ZNF587B: variants seen among roughly 807,000 people sequenced by gnomAD.
ZNF587B encodes the protein zinc finger protein 587B.
Under a neutral mutation model 7.2 loss-of-function variants are expected in ZNF587B, and 6 were observed. The observed-to-expected ratio is 0.83, with a 90% CI of 0.46 to 1.65. The LOEUF (loss-of-function observed/expected upper bound fraction) is 1.65, where lower values mean the gene tolerates loss of function less well. Among genes scored for constraint, ZNF587B ranks in the 40% most tolerant of loss-of-function variants. The probability of loss-of-function intolerance (pLI) is 0.01; values close to 1 mark genes in which losing one functional copy is unlikely to be tolerated. For missense variants in ZNF587B, 749 were observed against 761.0 expected, an observed-to-expected ratio of 0.98 and a Z score of 0.19; for synonymous variants, 274 against 254.3, an observed-to-expected ratio of 1.08 and a Z score of -0.74.
intron 1 of ZNF587B, among the ~76,000 whole-genome samples, chr19:57,835,387 T>C (rs1246678595): frequency 3.1e-5 from 4 of 129,892 alleles, no homozygotes; most frequent in African/African-American, 9.0e-5. Flanking sequence ...AGGTGGAGTC[T>C]TGTTCTGTCA....
rs747241849 is a variant in ZNF587B, at chr19:57,841,355, TATACTC to T, written c.683_688del (p.Ile228_Leu229del). On this transcript the variant is annotated inframe_deletion, in exon 3 of 3. Coordinates refer to ENST00000594901, the MANE Select transcript of ZNF587B (RefSeq NM_001376223.1). The stretch of plus-strand genomic sequence containing the variant: ...CCATGAAACATTTTAGCACCAAACA[TATACTC>T]AGTCAGCACCAGAGACTTCTCCCTC... 156 of 1,599,994 alleles carry T rather than the reference TATACTC, an allele frequency of 9.8e-5. 2 individuals are homozygous for T. In the Admixed American group the frequency reaches 2.4e-3, roughly 25 times the overall value.
Position 57,830,428 on chromosome 19 carries a change from C to T in ZNF587B, c.-101C>T. The T allele has an allele frequency of 7.5e-7, 1 of 1,341,704 alleles. No homozygotes were observed. Among genetic ancestry groups the T allele is most frequent in the African/African-American group, 1.4e-5 (1 of 69,252 alleles). 83.1% of individuals were successfully genotyped at this position (1,341,704 alleles called of 1,614,324 possible). The stretch of plus-strand genomic sequence containing the variant: ...GCGACTCTGGAGCTCTGTGACGGCG[C>T]CAAGCGTGACCCACCCCTGGGCCAG... On this transcript the variant is annotated 5_prime_UTR_variant, in exon 1 of 3. Transcript: ENST00000594901.
Position 57,841,423 on chromosome 19 carries a change from C to A in ZNF587B, c.749C>A (p.Ser250Tyr), listed in dbSNP as rs777073816. 5.0e-6 allele frequency: 8 copies of A among 1,584,192 alleles called. No homozygotes were observed. The highest frequency in any genetic ancestry group is 2.3e-5 in the East Asian group (1 of 43,238). Residue 250 changes from serine to tyrosine, a missense_variant, in exon 3 of 3, where the codon TCC becomes TAC. Around this residue, in one of 3 missense-constraint regions of ZNF587B, gnomAD observed 656 missense variants for 596.5 expected, o/e 1.10. Transcript: ENST00000594901. ...TATGTGTGCTGTGAATGTGGGAAAT[C>A]CTTTAGCAAATATGTTAGCTTCAGT... is the stretch of plus-strand genomic sequence containing the variant. Reference protein sequence around the residue: ...ECYVCCECGKSFSKYVSFSNH... With the variant: ...ECYVCCECGKYFSKYVSFSNH...
chr19:57,841,339 A>G lies in ZNF587B; in HGVS notation c.665A>G (p.His222Arg). 6.2e-7 allele frequency: 1 copy of G among 1,607,158 alleles called. No individual in the cohort carries two copies. The highest frequency in any genetic ancestry group is 1.3e-5 in the African/African-American group (1 of 74,938). ...AHYSHGDSMK[H>R]FSTKHILSQH... is the part of the protein sequence containing the mutation. ...TATAGCCATGGAGATTCCATGAAAC[A>G]TTTTAGCACCAAACATATACTCAGT... The change falls in exon 3 of 3, where the codon CAT becomes CGT. Residue 222 changes from histidine (H) to arginine (R), a missense_variant. His to Arg is a conservative substitution (Grantham distance 29). Coordinates refer to ENST00000594901, the MANE Select transcript of ZNF587B (RefSeq NM_001376223.1).
chr19:57,831,842 T>C (rs1600101565), intron 1 of ZNF587B, among the ~76,000 whole-genome samples: 2 of 149,872 alleles, frequency 1.3e-5, no homozygotes, highest in Admixed American at 6.6e-5. Flanking sequence ...GTAGCTGGGA[T>C]TACAGACACC....
rs1046625406 is a variant in ZNF587B at position 57,844,119 on chromosome 19, C to T, written c.*1543C>T. The T allele has an allele frequency of 3.5e-6, 1 of 287,836 alleles. No homozygotes were observed. The highest frequency in any genetic ancestry group is 2.3e-5 in the African/African-American group (1 of 42,916). 17.8% of individuals were successfully genotyped at this position (287,836 alleles called of 1,614,324 possible). ...AAGGATTTGTTGAGTAGCCTCAGCA[C>T]TTCTTGCTTTTTCATTTCTTTCTGA... On this transcript the variant is annotated 3_prime_UTR_variant, in exon 3 of 3. Transcript: ENST00000594901.
rs1383289373 is a variant in ZNF587B at position 57,842,280 on chromosome 19, G to C, written c.1606G>C (p.Ala536Pro). The C allele has an allele frequency of 2.1e-5, 34 of 1,612,722 alleles. No individual in the cohort carries two copies. The highest frequency in any genetic ancestry group is 2.7e-5 in the Non-Finnish European group (32 of 1,179,238). The change falls in exon 3 of 3, where the codon GCA becomes CCA. Residue 536 changes from alanine to proline, a missense_variant. Ala to Pro is a conservative substitution (Grantham distance 27, BLOSUM62 -1). This residue lies in a region of ZNF587B where 656 missense variants were observed against 596.5 expected (regional missense o/e 1.10). Transcript: ENST00000594901. ...TGGGAAGTCATTTACCCACAGCTGTGCATTCATTGTTCATAAGAGAGTTCA... is the reference window on the plus strand; with the variant it reads ...TGGGAAGTCATTTACCCACAGCTGTCCATTCATTGTTCATAAGAGAGTTCA... Reference protein sequence around the residue: ...DCGKSFTHSCAFIVHKRVHTG... With the variant: ...DCGKSFTHSCPFIVHKRVHTG...
rs1324065807 is a variant in ZNF587B, at chr19:57,843,587, G to GTTTTTTTTTTTT, written c.*1013_*1014insTTTTTTTTTTTT. The stretch of plus-strand genomic sequence containing the variant: ...GTTTGGTTGGTTGGTTGGTTGGTTG[G>GTTTTTTTTTTTT]TTGTTTTTTTTTGTTTTTTTTTTTT... On this transcript the variant is annotated 3_prime_UTR_variant, in exon 3 of 3. Transcript: ENST00000594901. The GTTTTTTTTTTTT allele has an allele frequency of 4.7e-4, 357 of 759,370 alleles. 34 individuals are homozygous for GTTTTTTTTTTTT. Among genetic ancestry groups the GTTTTTTTTTTTT allele is most frequent in the Admixed American group, 2.1e-3 (24 of 11,572 alleles). The allele number at this position is 759,370 out of a possible 1,614,324, so 47.0% of individuals were successfully genotyped here.
Position 57,842,878 on chromosome 19 carries a change from A to T in ZNF587B, c.*302A>T, listed in dbSNP as rs1988911867. On this transcript the variant is annotated 3_prime_UTR_variant, in exon 3 of 3. Coordinates refer to ENST00000594901, the MANE Select transcript of ZNF587B (RefSeq NM_001376223.1). ...CTCACAGGAGAGCTGTCACTACGGA[A>T]ATGCCTTTTGAATGTAATGTTTGCA... 1 of 985,336 alleles carries T rather than the reference A, an allele frequency of 1.0e-6. No individual in the cohort carries two copies. Among genetic ancestry groups the T allele is most frequent in the Admixed American group, 6.2e-5 (1 of 16,260 alleles). 61.0% of individuals were successfully genotyped at this position (985,336 alleles called of 1,614,324 possible).
intron 1 of ZNF587B, among the ~76,000 whole-genome samples, chr19:57,836,695 G>A (rs115502029): frequency 0.029 from 4,455 of 152,132 alleles, 216 homozygotes; most frequent in African/African-American, 0.1. Flanking sequence ...CGGGTGCAGT[G>A]CCTCATGCCT....
At chr19:57,830,800 A>AT (rs1490982637) in intron 1 of ZNF587B, among the ~76,000 whole-genome samples, 2 of 120,246 alleles carry the variant, frequency 1.7e-5, no homozygotes, top group Non-Finnish European at 3.6e-5. Context: ...GAGTCCGTTT[A>AT]TTTAAAAAAA....
At chr19:57,833,871 C>T (rs1343460700) in intron 1 of ZNF587B, among the ~76,000 whole-genome samples, 1,949 of 135,438 alleles carry the variant, frequency 0.014, no homozygotes, top group African/African-American at 0.051. Context: ...GCCCAGTGCC[C>T]TATCCTGTGG....
chr19:57,841,954 GTCA>G lies in ZNF587B; in HGVS notation c.1284_1286del (p.His428del). 6.2e-7 allele frequency: 1 copy of G among 1,612,308 alleles called. No homozygotes were observed. Among genetic ancestry groups the G allele is most frequent in the South Asian group, 1.1e-5 (1 of 90,868 alleles). ...TTTAATGAAAAAGGACACCTTAGGA[GTCA>G]TCAGCGAGTTCACACTACAGAAAGA... is the stretch of plus-strand genomic sequence containing the variant. On this transcript the variant is annotated inframe_deletion, in exon 3 of 3. Coordinates refer to ENST00000594901, the MANE Select transcript of ZNF587B (RefSeq NM_001376223.1).
chr19:57,841,476 A>C lies in ZNF587B; in HGVS notation c.802A>C (p.Arg268=). Residue 268 remains arginine (R), a synonymous_variant, in exon 3 of 3, where the codon AGA becomes CGA. Coordinates refer to ENST00000594901, the MANE Select transcript of ZNF587B (RefSeq NM_001376223.1). ...SNHQRVHSGK[R]PYECGECEKS... Reference sequence around the variant, plus strand: ...TCATCAGAGAGTTCACAGTGGAAAAAGACCTTATGAATGTGGAGAATGTGA... The same window carrying C: ...TCATCAGAGAGTTCACAGTGGAAAACGACCTTATGAATGTGGAGAATGTGA... The C allele has an allele frequency of 6.3e-7, 1 of 1,585,392 alleles. No individual in the cohort carries two copies. Among genetic ancestry groups the C allele is most frequent in the Non-Finnish European group, 8.6e-7 (1 of 1,164,972 alleles).
intron 1 of ZNF587B, among the ~76,000 whole-genome samples, chr19:57,835,300 T>C (rs1988556287): frequency 8.4e-6 from 1 of 119,066 alleles, no homozygotes; most frequent in Non-Finnish European, 1.8e-5. Flanking sequence ...GATTTTCTAA[T>C]GCGGTCGGTA....
chr19:57,832,182 G>C (rs1200016071), intron 1 of ZNF587B, among the ~76,000 whole-genome samples: 7 of 151,906 alleles, frequency 4.6e-5, no homozygotes, highest in African/African-American at 1.7e-4. Flanking sequence ...CACCTCCCGG[G>C]TTCATGCCAT....
At chr19:57,840,266 C>G (rs1467109197) in intron 2 of ZNF587B, among the ~76,000 whole-genome samples, 4 of 151,910 alleles carry the variant, frequency 2.6e-5, no homozygotes, top group African/African-American at 9.7e-5. Flanking sequence ...TGTCACTTGT[C>G]TATCTTATCA....
chr19:57,843,597 T>G lies in ZNF587B; in HGVS notation c.*1021T>G, dbSNP rs895393342. The G allele has an allele frequency of 1.7e-4, 145 of 841,176 alleles. 4 individuals carry two copies. The highest frequency in any genetic ancestry group is 4.6e-5 in the Non-Finnish European group (33 of 720,434). 52.1% of individuals were successfully genotyped at this position (841,176 alleles called of 1,614,324 possible). A position where few individuals can be genotyped will look rare whatever the true frequency, so the allele number is the denominator to read the frequency against. ...TTGGTTGGTTGGTTGGTTGTTTTTT[T>G]TTGTTTTTTTTTTTTTTTTTTTTGG... On this transcript the variant is annotated 3_prime_UTR_variant, in exon 3 of 3. Coordinates refer to ENST00000594901, the MANE Select transcript of ZNF587B (RefSeq NM_001376223.1).
chr19:57,841,054 A>G lies in ZNF587B; in HGVS notation c.380A>G (p.Asn127Ser). The G allele has an allele frequency of 4.3e-6, 7 of 1,613,472 alleles. No individual in the cohort carries two copies. The highest frequency in any genetic ancestry group is 1.7e-4 in the Middle Eastern group (1 of 6,060). ...QKLHRCEAWG[N>S]KLYDSGNFHQ... is the part of the protein sequence containing the mutation. ...CTGCACAGGTGTGAGGCCTGGGGGA[A>G]TAAATTGTATGACAGTGGAAACTTT... The change falls in exon 3 of 3, where the codon AAT becomes AGT. Residue 127 changes from asparagine to serine, a missense_variant. Physicochemically the swap from Asn to Ser is conservative, Grantham distance 46. Coordinates refer to ENST00000594901, the MANE Select transcript of ZNF587B (RefSeq NM_001376223.1).
Sources: allele counts gnomAD v4.1 joint callset (sites outside exome capture counted in the v4.1 genomes callset), GRCh38; gene constraint gnomAD v4.1.1; regional missense constraint gnomAD v4.1.1; transcripts MANE v1.5; gene names NCBI Gene and HGNC (gene_info 2026-07-23, HGNC 2026-07-21).